The following PCDHA1 variants were observed in gnomAD, a reference collection of about 807,000 sequenced individuals.
PCDHA1 encodes protocadherin alpha-1.
In PCDHA1, 42 loss-of-function variants were observed where a neutral mutation model predicts 61.3. That is an observed-to-expected ratio of 0.69 (90% confidence interval 0.54 to 0.89). PCDHA1 has a LOEUF of 0.89. Among genes scored for constraint, PCDHA1 ranks in the 40% least tolerant of loss-of-function variants. The probability of loss-of-function intolerance (pLI) is 0.00; values close to 1 mark genes in which losing one functional copy is unlikely to be tolerated. For synonymous variants in PCDHA1, 610 were observed against 553.8 expected (o/e 1.10, Z -1.43); for missense variants, 1,256 against 1,235.3 (o/e 1.02, Z -0.25).
At chr5:140,884,530 G>A in intron 1 of PCDHA1, 1 of 1,614,062 alleles carries the variant, frequency 6.2e-7, no homozygotes, top group South Asian at 1.1e-5. Context: ...CGCAGCAGAG[G>A]CGGCCGAGGG....
rs529252017 is a variant in PCDHA1, at chr5:140,801,485, C to T, written c.2394+12801C>T. ...CTCGGATAGACCGCGAGGAACTGTGCGGGCGGAGCGCGGAGTGCAGCATCC... is the reference window on the plus strand; with the variant it reads ...CTCGGATAGACCGCGAGGAACTGTGTGGGCGGAGCGCGGAGTGCAGCATCC... On this transcript the variant is annotated intron_variant, in intron 1 of 3. Coordinates refer to ENST00000504120, the MANE Select transcript of PCDHA1 (RefSeq NM_018900.4). 1.1e-5 allele frequency: 18 copies of T among 1,614,078 alleles called. No homozygotes were observed. The South Asian group carries it at 1.9e-4, about 17-fold the overall frequency.
At chr5:140,963,128 T>A (rs1283011021) in intron 1 of PCDHA1, among the ~76,000 whole-genome samples, 1 of 152,144 alleles carries the variant, frequency 6.6e-6, no homozygotes, top group African/African-American at 2.4e-5. Context: ...AGAGATAATA[T>A]TAAATTATTT....
At chr5:140,967,390 G>A (rs2096135950) in intron 1 of PCDHA1, 2 of 1,609,752 alleles carry the variant, frequency 1.2e-6, no homozygotes, top group African/African-American at 1.3e-5. Context: ...AAGTGCTTGA[G>A]CTGGTGCTGC....
intron 1 of PCDHA1, chr5:140,858,650 T>A (rs1581517795): frequency 6.1e-6 from 5 of 822,646 alleles, no homozygotes; most frequent in Admixed American, 3.2e-5. Context: ...GGTACTTAAA[T>A]TTTTTTAAAT....
chr5:140,927,245 A>G (rs1197319664), intron 1 of PCDHA1: 6 of 1,613,948 alleles, frequency 3.7e-6, no homozygotes, highest in South Asian at 2.2e-5. Flanking sequence ...CTGGACACCA[A>G]TGACAACTCA....
intron 1 of PCDHA1, chr5:140,871,239 C>G: frequency 6.2e-7 from 1 of 1,613,976 alleles, no homozygotes; most frequent in Non-Finnish European, 8.5e-7. Context: ...TCCTGGTACT[C>G]ACGCTGCTGC....
intron 1 of PCDHA1, chr5:140,861,198 G>A: frequency 6.1e-6 from 1 of 162,948 alleles, no homozygotes; most frequent in Non-Finnish European, 1.3e-5. Context: ...ATGAAATATT[G>A]TTTTACTAAC....
intron 1 of PCDHA1, chr5:140,829,146 T>C (rs372034322): frequency 1.2e-6 from 2 of 1,613,848 alleles, no homozygotes; most frequent in Non-Finnish European, 1.7e-6. Context: ...GAGATAGCAC[T>C]GACTTCCTTA....
intron 1 of PCDHA1, chr5:140,969,449 AG>A (rs1470034134): frequency 2.8e-5 from 43 of 1,510,842 alleles, no homozygotes; most frequent in Non-Finnish European, 3.2e-5. Flanking sequence ...TGGTAAACTG[AG>A]TATATATAGT....
At position 140,852,434 on chromosome 5, in the gene PCDHA1, C is replaced by T. The variant is rs2150516775; in HGVS notation, c.2394+63750C>T. On this transcript the variant is annotated intron_variant, in intron 1 of 3. Transcript: ENST00000504120. ...CTGGGATTATAGGCACATGCCACCG[C>T]GCCCAGCTAATTTTTGTATTTTTAG... 6.7e-4 allele frequency: 121 copies of T among 181,038 alleles called. 6 individuals carry two copies. The highest frequency in any genetic ancestry group is 3.4e-4 in the Admixed American group (5 of 14,894). The allele number at this position is 181,038 out of a possible 1,614,324, so 11.2% of individuals were successfully genotyped here. A position where few individuals can be genotyped will look rare whatever the true frequency, so the allele number is the denominator to read the frequency against.
rs146736705 is a variant in PCDHA1 at position 140,829,807 on chromosome 5, T to C, written c.2394+41123T>C. 3.4e-3 allele frequency: 5,423 copies of C among 1,613,834 alleles called. 11 individuals are homozygous for C. Among genetic ancestry groups the C allele is most frequent in the Middle Eastern group, 4.6e-3 (28 of 6,054 alleles). ...CGCTGCTGGCGCCTCGGGTGGGTGG[T>C]ACTGGTGGTGCAGTGAGCGAGCTGG... On this transcript the variant is annotated intron_variant, in intron 1 of 3. Transcript: ENST00000504120.
chr5:140,992,590 T>C (rs536991072), intron 3 of PCDHA1, among the ~76,000 whole-genome samples: 1 of 152,300 alleles, frequency 6.6e-6, no homozygotes, highest in East Asian at 1.9e-4. Flanking sequence ...TGTATGCATC[T>C]AGCGTCTGTG....
In PCDHA1 at chr5:141,010,916, A is replaced by G. The variant is rs1554263193; in HGVS notation, c.*979A>G. The G allele has an allele frequency of 6.5e-6, 1 of 153,780 alleles. No individual in the cohort carries two copies. The highest frequency in any genetic ancestry group is 2.4e-5 in the African/African-American group (1 of 41,454). 9.5% of individuals were successfully genotyped at this position (153,780 alleles called of 1,614,324 possible). On this transcript the variant is annotated 3_prime_UTR_variant, in exon 4 of 4. Transcript: ENST00000504120. ...ATACAATTCCCCTAAACTCTCCTCAAAAGAGAATTCAGTCTACAGCCATTT... is the reference window on the plus strand; with the variant it reads ...ATACAATTCCCCTAAACTCTCCTCAGAAGAGAATTCAGTCTACAGCCATTT...
chr5:140,808,924 G>A (rs782681008), intron 1 of PCDHA1: 29 of 1,613,574 alleles, frequency 1.8e-5, no homozygotes, highest in Non-Finnish European at 2.4e-5. Flanking sequence ...CAGTGAGCGA[G>A]CTGGTGCCAT....
At chr5:140,880,403 T>C (rs1474959731) in intron 1 of PCDHA1, among the ~76,000 whole-genome samples, 1 of 152,186 alleles carries the variant, frequency 6.6e-6, no homozygotes, top group Non-Finnish European at 1.5e-5. Flanking sequence ...GAGCATATGG[T>C]TGACCTTAAA....
At chr5:140,857,849 G>A (rs782556733) in intron 1 of PCDHA1, 1 of 1,597,964 alleles carries the variant, frequency 6.3e-7, no homozygotes, top group South Asian at 1.1e-5. Flanking sequence ...CGCTGACTCT[G>A]GATACAACGC....
intron 1 of PCDHA1, chr5:140,966,542 G>A (rs926112867): frequency 3.7e-5 from 17 of 464,420 alleles, no homozygotes; most frequent in African/African-American, 1.8e-4. Flanking sequence ...GAGCGACTCG[G>A]AGGCGAGCGG....
At chr5:140,809,324 C>T (rs1554125144) in intron 1 of PCDHA1, 1 of 1,614,106 alleles carries the variant, frequency 6.2e-7, no homozygotes, top group South Asian at 1.1e-5. Context: ...CCTTTTGGTG[C>T]TCACGCTGCT....
At chr5:140,801,558 G>C (rs782460705) in intron 1 of PCDHA1, 2 of 1,614,278 alleles carry the variant, frequency 1.2e-6, no homozygotes, top group South Asian at 2.2e-5. Context: ...CCATGTGGAG[G>C]TGGAAGTGAA....
Sources: allele counts gnomAD v4.1 joint callset (sites outside exome capture counted in the v4.1 genomes callset), GRCh38; gene constraint gnomAD v4.1.1; transcripts MANE v1.5; gene names NCBI Gene and HGNC (gene_info 2026-07-23, HGNC 2026-07-21).